PLCG1: variants seen among roughly 807,000 people sequenced by gnomAD.
The protein encoded by PLCG1 is 1-phosphatidylinositol 4,5-bisphosphate phosphodiesterase gamma-1.
In PLCG1, 71 loss-of-function variants were observed where a neutral mutation model predicts 177.8. The ratio of observed to expected loss-of-function variants is 0.40; its 90% CI spans 0.33 to 0.49. The LOEUF (loss-of-function observed/expected upper bound fraction) is 0.49. Among genes scored for constraint, PLCG1 ranks in the 20% least tolerant of loss-of-function variants. PLCG1 has a pLI of 0.72. For missense variants in PLCG1, 1,281 were observed against 1,709.0 expected (o/e 0.75, Z 4.42); for synonymous variants, 658 against 647.9 (o/e 1.02, Z -0.24).
chr20:41,165,313 C>T lies in PLCG1; in HGVS notation c.1455C>T (p.Asp485=), dbSNP rs2035644823. The T allele has an allele frequency of 1.2e-6, 2 of 1,614,068 alleles. No homozygotes were observed. Among genetic ancestry groups the T allele is most frequent in the South Asian group, 1.1e-5 (1 of 91,086 alleles). ...CATCCATGATGTACTCTGAGAACGA[C>T]ATCAGCAACTCTATCAAGAATGGCA... ...VPTSMMYSEN[D]ISNSIKNGIL... is the part of the protein sequence containing the mutation. Residue 485 remains aspartate (D), a synonymous_variant, in exon 14 of 32, where the codon GAC becomes GAT. Coordinates refer to ENST00000685551, the MANE Select transcript of PLCG1 (RefSeq NM_002660.3). The surrounding 1 kb of genome is among the most constrained non-coding windows in gnomAD (Gnocchi z 6.6).
intron 1 of PLCG1, among the ~76,000 whole-genome samples, chr20:41,141,476 C>T (rs34859415): frequency 0.14 from 21,348 of 152,298 alleles, 1,696 homozygotes; most frequent in Non-Finnish European, 0.17. Flanking sequence ...GGCTTGACCC[C>T]TGTGGCTGGG....
At position 41,163,714 on chromosome 20, in the gene PLCG1, GT is replaced by G; in HGVS notation, c.894del (p.Phe298LeufsTer25). 6.3e-7 allele frequency: 1 copy of G among 1,595,322 alleles called. No individual in the cohort carries two copies. Among genetic ancestry groups the G allele is most frequent in the Non-Finnish European group, 8.6e-7 (1 of 1,162,812 alleles). On this transcript the variant is annotated frameshift_variant and splice_region_variant, in exon 10 of 32. Coordinates refer to ENST00000685551, the MANE Select transcript of PLCG1 (RefSeq NM_002660.3). LOFTEE classifies it high-confidence loss of function. The surrounding 1 kb of genome is among the most constrained non-coding windows in gnomAD (Gnocchi z 5.2). ...CTTCCCTTCCACATGTTTCTGGACAGTTTGTCACCTTCCTGTTCTCCAAAGA... is the reference window on the plus strand; with the variant it reads ...CTTCCCTTCCACATGTTTCTGGACAGTTGTCACCTTCCTGTTCTCCAAAGA... The part of the protein sequence containing the change: ...IEEPYFFLDE[F>X]VTFLFSKENS...
chr20:41,160,012 G>GGGGACA lies in PLCG1; in HGVS notation c.464+57_464+62dup. Reference sequence around the variant, plus strand: ...TAGGGCTGGGAGCATTAGGGACCAGGGGGACAGGGACAGCAGACCTTTGTG... The same window carrying GGGGACA: ...TAGGGCTGGGAGCATTAGGGACCAGGGGGACAGGGACAGGGACAGCAGACCTTTGTG... On this transcript the variant is annotated intron_variant, in intron 3 of 31. Coordinates refer to ENST00000685551, the MANE Select transcript of PLCG1 (RefSeq NM_002660.3). This position sits in a 1 kb window ranked among gnomAD's most constrained non-coding sequence, Gnocchi z 5.5. The GGGGACA allele has an allele frequency of 1.3e-6, 2 of 1,599,734 alleles. No individual in the cohort carries two copies. The highest frequency in any genetic ancestry group is 4.5e-5 in the East Asian group (2 of 44,788).
In PLCG1 at chr20:41,156,736, T is replaced by TA. The variant is rs2035333804; in HGVS notation, c.218-2868dup. ...AGTAGTTCTCCCCTTCTCAAGCTCCTAAGTTCTGGGAAGGTCTCTTTTCCT... is the reference window on the plus strand; with the variant it reads ...AGTAGTTCTCCCCTTCTCAAGCTCCTAAAGTTCTGGGAAGGTCTCTTTTCCT... On this transcript the variant is annotated intron_variant, in intron 1 of 31. Transcript: ENST00000685551. This position sits in a 1 kb window ranked among gnomAD's most constrained non-coding sequence, Gnocchi z 5.0. Among the ~76,000 whole-genome samples the TA allele has an allele frequency of 6.6e-6, 1 of 152,178 alleles. No individual in the cohort carries two copies. Among genetic ancestry groups the TA allele is most frequent in the Non-Finnish European group, 1.5e-5 (1 of 68,002 alleles).
In PLCG1 at chr20:41,164,275, A is replaced by C. The variant is rs2035609585; in HGVS notation, c.1217+74A>C. 1 of 1,483,890 alleles carries C rather than the reference A, an allele frequency of 6.7e-7. No homozygotes were observed. The highest frequency in any genetic ancestry group is 1.4e-5 in the African/African-American group (1 of 72,434). The allele number at this position is 1,483,890 out of a possible 1,614,324, so 91.9% of individuals were successfully genotyped here. On this transcript the variant is annotated intron_variant, in intron 12 of 31. Coordinates refer to ENST00000685551, the MANE Select transcript of PLCG1 (RefSeq NM_002660.3). This position sits in a 1 kb window ranked among gnomAD's most constrained non-coding sequence, Gnocchi z 6.4. ...TCGTTCTAGAGGGACAGAGGGCAGA[A>C]AGACTCCTCAAATGCCCTGTCCCCT...
In PLCG1 at chr20:41,177,567, T is replaced by C. The variant is rs1413318320; in HGVS notation, c.*3058T>C. 6.6e-6 allele frequency: 1 copy of C among 152,238 alleles called. No individual in the cohort carries two copies. Among genetic ancestry groups the C allele is most frequent in the Non-Finnish European group, 1.5e-5 (1 of 68,036 alleles). 9.4% of individuals were successfully genotyped at this position (152,238 alleles called of 1,614,324 possible). The stretch of plus-strand genomic sequence containing the variant: ...ATAGGTTCAGGTTATCCCACCAGAC[T>C]AACTCGGTGAATGAAAGGATCATGC... On this transcript the variant is annotated 3_prime_UTR_variant, in exon 32 of 32. Coordinates refer to ENST00000685551, the MANE Select transcript of PLCG1 (RefSeq NM_002660.3).
chr20:41,154,742 C>G (rs986688383), intron 1 of PLCG1, among the ~76,000 whole-genome samples: 1 of 152,128 alleles, frequency 6.6e-6, no homozygotes, highest in Admixed American at 6.5e-5. Flanking sequence ...ACTGGCTGCC[C>G]GCCATATAGC....
chr20:41,139,273 C>T (rs1334587110), intron 1 of PLCG1, among the ~76,000 whole-genome samples: 1 of 152,202 alleles, frequency 6.6e-6, no homozygotes, highest in Non-Finnish European at 1.5e-5. Context: ...ACTTGAGAGC[C>T]TGTGGATTCC....
chr20:41,169,345 T>G, intron 22 of PLCG1, 112 bp from the exon 23 acceptor site: 1 of 973,316 alleles, frequency 1.0e-6, no homozygotes, highest in Non-Finnish European at 1.7e-6. Flanking sequence ...CTGTGCTACA[T>G]TTGGCAGTCA....
Position 41,166,920 on chromosome 20 carries a change from C to T in PLCG1, c.2301+61C>T. 6.7e-7 allele frequency: 1 copy of T among 1,481,852 alleles called. No individual in the cohort carries two copies. Among genetic ancestry groups the T allele is most frequent in the Non-Finnish European group, 9.4e-7 (1 of 1,064,406 alleles). The allele number at this position is 1,481,852 out of a possible 1,614,324, so 91.8% of individuals were successfully genotyped here. On this transcript the variant is annotated intron_variant, in intron 19 of 31. Coordinates refer to ENST00000685551, the MANE Select transcript of PLCG1 (RefSeq NM_002660.3). This position sits in a 1 kb window ranked among gnomAD's most constrained non-coding sequence, Gnocchi z 8.6. ...AGGCAGGAGAGACCCAGAATCTTAC[C>T]AGTCTCTGGATGTGTGTAACAGCAA...
At position 41,172,533 on chromosome 20, in the gene PLCG1, G is replaced by A. The variant is rs575469232; in HGVS notation, c.3018G>A (p.Leu1006=). ...AGAAGTTCCTTCAGTACAATCGACT[G>A]CAGCTCTCCCGCATCTACCCCAAGG... The part of the protein sequence containing the change: ...KGKKFLQYNR[L]QLSRIYPKGQ... Residue 1006 remains leucine, a synonymous_variant, in exon 26 of 32, where the codon CTG becomes CTA. Coordinates refer to ENST00000685551, the MANE Select transcript of PLCG1 (RefSeq NM_002660.3). This position sits in a 1 kb window ranked among gnomAD's most constrained non-coding sequence, Gnocchi z 7.0. 2.5e-6 allele frequency: 4 copies of A among 1,614,154 alleles called. No individual in the cohort carries two copies. The highest frequency in any genetic ancestry group is 3.3e-5 in the Admixed American group (2 of 60,028).
chr20:41,162,238 T>G (rs1568742867), intron 4 of PLCG1: 2 of 245,184 alleles, frequency 8.2e-6, no homozygotes, highest in Non-Finnish European at 1.5e-5. Context: ...TGTTTTTGTT[T>G]TTTTTTTTTT....
Position 41,162,979 on chromosome 20 carries a change from G to T in PLCG1, c.703G>T (p.Ala235Ser). 2 of 1,614,112 alleles carry T rather than the reference G, an allele frequency of 1.2e-6. No individual in the cohort carries two copies. The highest frequency in any genetic ancestry group is 1.7e-6 in the Non-Finnish European group (2 of 1,179,966). Reference protein sequence around the residue: ...QKTMDLPFLEASTLRAGERPE... With the variant: ...QKTMDLPFLESSTLRAGERPE... ...GCAGATGGACCTCCCCTTCTTGGAA[G>T]CCAGTACTCTGAGGTTTGGTTTGGA... Residue 235 changes from alanine to serine, a missense_variant, in exon 7 of 32, where the codon GCC (alanine) becomes TCC (serine). Transcript: ENST00000685551.
Position 41,174,515 on chromosome 20 carries a change from C to A in PLCG1, c.*6C>A. On this transcript the variant is annotated 3_prime_UTR_variant, in exon 32 of 32. Transcript: ENST00000685551. This position sits in a 1 kb window ranked among gnomAD's most constrained non-coding sequence, Gnocchi z 5.8. Reference sequence around the variant, plus strand: ...ATGGAGACAACCGCCTCTAGTTGTACCCCAGCCTCGTTGGAGAGCAGCAGG... The same window carrying A: ...ATGGAGACAACCGCCTCTAGTTGTAACCCAGCCTCGTTGGAGAGCAGCAGG... The A allele has an allele frequency of 6.3e-7, 1 of 1,582,654 alleles. No homozygotes were observed. Among genetic ancestry groups the A allele is most frequent in the Non-Finnish European group, 8.6e-7 (1 of 1,163,216 alleles).
Position 41,153,967 on chromosome 20 carries a change from G to A in PLCG1, c.218-5639G>A, listed in dbSNP as rs1273503455. Among the ~76,000 whole-genome samples the A allele has an allele frequency of 6.6e-6, 1 of 152,126 alleles. No individual in the cohort carries two copies. The highest frequency in any genetic ancestry group is 1.5e-5 in the Non-Finnish European group (1 of 68,020). On this transcript the variant is annotated intron_variant, in intron 1 of 31. Transcript: ENST00000685551. This position sits in a 1 kb window ranked among gnomAD's most constrained non-coding sequence, Gnocchi z 5.1. ...GGGTACTTTTGGTTATGGTTTTCTT[G>A]GCCATATCTTCATCATTTGGTGGGT... is the stretch of plus-strand genomic sequence containing the variant.
At chr20:41,145,524 G>A (rs552378096) in intron 1 of PLCG1, among the ~76,000 whole-genome samples, 6 of 152,210 alleles carry the variant, frequency 3.9e-5, no homozygotes, top group Middle Eastern at 3.4e-3. Context: ...TGAGCTGCCT[G>A]CTGAGCCTAC....
rs980699412 is a variant in PLCG1 at position 41,166,888 on chromosome 20, G to C, written c.2301+29G>C. ...AGGGGGCTGTGGTAGACGGGGCATG[G>C]CAGGGGAGGCAGGAGAGACCCAGAA... On this transcript the variant is annotated intron_variant, in intron 19 of 31. Coordinates refer to ENST00000685551, the MANE Select transcript of PLCG1 (RefSeq NM_002660.3). This position sits in a 1 kb window ranked among gnomAD's most constrained non-coding sequence, Gnocchi z 8.6. 1.3e-6 allele frequency: 2 copies of C among 1,596,170 alleles called. No homozygotes were observed. Among genetic ancestry groups the C allele is most frequent in the South Asian group, 1.1e-5 (1 of 90,654 alleles).
rs1282464719 is a variant in PLCG1 at position 41,176,367 on chromosome 20, T to C, written c.*1858T>C. ...CTTTTTCCCATACACAAGAAGGTGG[T>C]GGGTGGGAATTCACCTGGGCCCTCA... On this transcript the variant is annotated 3_prime_UTR_variant, in exon 32 of 32. Coordinates refer to ENST00000685551, the MANE Select transcript of PLCG1 (RefSeq NM_002660.3). 6.6e-6 allele frequency: 1 copy of C among 152,168 alleles called. No homozygotes were observed. The highest frequency in any genetic ancestry group is 1.9e-4 in the East Asian group (1 of 5,180). The allele number at this position is 152,168 out of a possible 1,614,324, so 9.4% of individuals were successfully genotyped here. A position where few individuals can be genotyped will look rare whatever the true frequency, so the allele number is the denominator to read the frequency against.
rs1262718266 is a variant in PLCG1 at position 41,150,232 on chromosome 20, C to T, written c.218-9374C>T. ...CTGTAATCCCAGCACTTTGGGAGGC[C>T]GAAGTGAGAGGATCACTTGAGGCCA... On this transcript the variant is annotated intron_variant, in intron 1 of 31. Transcript: ENST00000685551. The surrounding 1 kb of genome is among the most constrained non-coding windows in gnomAD (Gnocchi z 4.0). Among the ~76,000 whole-genome samples the T allele has an allele frequency of 3.3e-5, 5 of 152,136 alleles. No individual in the cohort carries two copies. The highest frequency in any genetic ancestry group is 4.8e-5 in the African/African-American group (2 of 41,514).
Sources: gnomAD v4.1 joint callset for allele counts (sites outside exome capture counted in the v4.1 genomes callset) on GRCh38, gnomAD v4.1.1 for gene constraint, Gnocchi (gnomAD v3.1) non-coding constraint, MANE v1.5 for transcripts, NCBI Gene and HGNC (gene_info 2026-07-23, HGNC 2026-07-21) for gene names.